The following CEP126 variants were observed in gnomAD, a reference collection of about 807,000 sequenced individuals.
CEP126 encodes centrosomal protein 126.
CEP126 carries 74 observed loss-of-function variants against 107.8 expected under a neutral mutation model. The ratio of observed to expected loss-of-function variants is 0.69; its 90% CI spans 0.57 to 0.83. The LOEUF is 0.83. Among genes scored for constraint, CEP126 ranks in the 40% least tolerant of loss-of-function variants. The pLI is 0.00. For synonymous variants in CEP126, 449 were observed against 446.0 expected, an observed-to-expected ratio of 1.01 and a Z score of -0.08; for missense variants, 1,237 against 1,281.9, an observed-to-expected ratio of 0.96 and a Z score of 0.53.
At position 101,962,629 on chromosome 11, in the gene CEP126, G is replaced by A; in HGVS notation, c.1594G>A (p.Asp532Asn). The A allele has an allele frequency of 6.2e-7, 1 of 1,612,910 alleles. No homozygotes were observed. Among genetic ancestry groups the A allele is most frequent in the Non-Finnish European group, 8.5e-7 (1 of 1,179,694 alleles). ...AGATGCCTATATACCTCACAATCCTGATTCAAAAGATGAAAAACAAAAATT... is the reference window on the plus strand; with the variant it reads ...AGATGCCTATATACCTCACAATCCTAATTCAAAAGATGAAAAACAAAAATT... ...FQDAYIPHNP[D>N]SKDEKQKLAE... is the part of the protein sequence containing the mutation. The change falls in exon 6 of 11, where the codon GAT (aspartate) becomes AAT (asparagine). Residue 532 changes from aspartate to asparagine, a missense_variant. By Grantham distance (23) the Asp-to-Asn change is conservative (BLOSUM62 1). Around this residue, in one of 3 missense-constraint regions of CEP126, gnomAD observed 1,134 missense variants for 1,150.5 expected, o/e 0.99. Coordinates refer to ENST00000263468, the MANE Select transcript of CEP126 (RefSeq NM_020802.4).
At chr11:101,972,842 A>G (rs1235558280) in intron 6 of CEP126, among the ~76,000 whole-genome samples, 1 of 152,160 alleles carries the variant, frequency 6.6e-6, no homozygotes, top group African/African-American at 2.4e-5. Flanking sequence ...GATTTTCTTT[A>G]TAATTTTGCC....
intron 1 of CEP126, 90 bp downstream of exon 1, chr11:101,915,502 G>C: frequency 6.7e-7 from 1 of 1,492,374 alleles, no homozygotes; most frequent in South Asian, 1.3e-5. Flanking sequence ...CTTTGACGCA[G>C]GGTGATCAAA....
intron 6 of CEP126, among the ~76,000 whole-genome samples, chr11:101,967,523 G>T (rs1160357973): frequency 6.6e-6 from 1 of 152,038 alleles, no homozygotes; most frequent in African/African-American, 2.4e-5. Flanking sequence ...ATTTTCTGAT[G>T]ATCAACATTA....
chr11:101,978,016 T>G (rs1005474660), intron 6 of CEP126, among the ~76,000 whole-genome samples: 1 of 152,184 alleles, frequency 6.6e-6, no homozygotes, highest in African/African-American at 2.4e-5. Flanking sequence ...TAACTTCTAA[T>G]TTTTAGATAA....
At chr11:101,944,788 A>T (rs1940713596) in intron 3 of CEP126, among the ~76,000 whole-genome samples, 1 of 152,186 alleles carries the variant, frequency 6.6e-6, no homozygotes, top group Non-Finnish European at 1.5e-5. Flanking sequence ...TATTTGAGAG[A>T]CTGGCAGAAC....
chr11:101,922,710 AT>A lies in CEP126; in HGVS notation c.199del (p.Cys67ValfsTer74). The A allele has an allele frequency of 6.2e-7, 1 of 1,613,032 alleles. No individual in the cohort carries two copies. Among genetic ancestry groups the A allele is most frequent in the Non-Finnish European group, 8.5e-7 (1 of 1,179,160 alleles). Reference sequence around the variant, plus strand: ...AGATATTACTGCAGCAACAAAAAATATGTCGAAATCGAGCACGTAAATATTT... The same window carrying A: ...AGATATTACTGCAGCAACAAAAAATAGTCGAAATCGAGCACGTAAATATTT... The part of the protein sequence containing the change: ...RQILLQQQKI[C>X]RNRARKYFVE... On this transcript the variant is annotated frameshift_variant, in exon 2 of 11. Transcript: ENST00000263468. LOFTEE classifies it high-confidence loss of function.
intron 7 of CEP126, 65 bp downstream of exon 7, chr11:101,978,524 T>G (rs1941219513): frequency 1.0e-6 from 1 of 1,001,716 alleles, no homozygotes; most frequent in Non-Finnish European, 1.6e-6. Flanking sequence ...ACAGAGGTTC[T>G]TAAAGGACTA....
intron 7 of CEP126, among the ~76,000 whole-genome samples, chr11:101,979,150 C>T (rs1941227129): frequency 6.6e-6 from 1 of 151,670 alleles, no homozygotes; most frequent in Non-Finnish European, 1.5e-5. Context: ...AAAAAAAAAG[C>T]ATGCTAATCA....
At chr11:101,927,848 G>A (rs1940435640) in intron 2 of CEP126, among the ~76,000 whole-genome samples, 1 of 152,196 alleles carries the variant, frequency 6.6e-6, no homozygotes. Context: ...TATAAATGAA[G>A]TTGATAAAAA....
At chr11:101,920,709 G>A (rs899053483) in intron 1 of CEP126, among the ~76,000 whole-genome samples, 16 of 151,510 alleles carry the variant, frequency 1.1e-4, no homozygotes, top group South Asian at 8.3e-4. Context: ...AAGCTCAAGC[G>A]ATCTTCCCAC....
intron 6 of CEP126, among the ~76,000 whole-genome samples, chr11:101,969,088 A>G (rs1432045661): frequency 6.6e-6 from 1 of 152,072 alleles, no homozygotes; most frequent in Non-Finnish European, 1.5e-5. Flanking sequence ...TGGCTTTATC[A>G]TGGCTCACTG....
At chr11:101,960,921 G>A (rs1565360677) in intron 5 of CEP126, among the ~76,000 whole-genome samples, 1 of 151,960 alleles carries the variant, frequency 6.6e-6, no homozygotes, top group Non-Finnish European at 1.5e-5. Context: ...CTAGGTATGT[G>A]TGAGAAAACA....
chr11:101,921,107 G>A (rs892157460), intron 1 of CEP126, among the ~76,000 whole-genome samples: 1 of 152,096 alleles, frequency 6.6e-6, no homozygotes, highest in African/African-American at 2.4e-5. Context: ...TAGATGATTA[G>A]GATAACCAAA....
intron 2 of CEP126, among the ~76,000 whole-genome samples, chr11:101,935,892 C>T (rs186399519): frequency 1.9e-3 from 294 of 152,098 alleles, no homozygotes; most frequent in Non-Finnish European, 1.9e-3. Flanking sequence ...TAAAATGTCT[C>T]TAGACATTGT....
At chr11:101,931,244 C>T (rs1591271189) in intron 2 of CEP126, among the ~76,000 whole-genome samples, 2 of 152,096 alleles carry the variant, frequency 1.3e-5, no homozygotes, top group Non-Finnish European at 2.9e-5. Context: ...ATTACTAATT[C>T]TATGAATCTT....
At chr11:101,973,102 A>ATTC (rs1487342115) in intron 6 of CEP126, among the ~76,000 whole-genome samples, 6 of 152,194 alleles carry the variant, frequency 3.9e-5, no homozygotes, top group African/African-American at 1.4e-4. Flanking sequence ...TTTATGAATA[A>ATTC]TTCTTCCAAG....
rs1941458349 is a variant in CEP126 at position 101,997,652 on chromosome 11, G to A, written c.*9G>A. The A allele has an allele frequency of 6.2e-7, 1 of 1,613,894 alleles. No individual in the cohort carries two copies. Among genetic ancestry groups the A allele is most frequent in the Middle Eastern group, 1.6e-4 (1 of 6,062 alleles). On this transcript the variant is annotated 3_prime_UTR_variant, in exon 11 of 11. Coordinates refer to ENST00000263468, the MANE Select transcript of CEP126 (RefSeq NM_020802.4). ...GCAGAGACAAGAGATAATTCCAGCAGAATCCGTCTAAGAAGACCTTTCATG... is the reference window on the plus strand; with the variant it reads ...GCAGAGACAAGAGATAATTCCAGCAAAATCCGTCTAAGAAGACCTTTCATG...
chr11:101,958,838 A>G (rs1940934846), intron 5 of CEP126, among the ~76,000 whole-genome samples: 1 of 152,238 alleles, frequency 6.6e-6, no homozygotes, highest in Non-Finnish European at 1.5e-5. Context: ...AATTCATAAC[A>G]TTGGCCTGAT....
At chr11:101,942,810 G>A (rs1940684496) in intron 2 of CEP126, among the ~76,000 whole-genome samples, 1 of 151,882 alleles carries the variant, frequency 6.6e-6, no homozygotes, top group Non-Finnish European at 1.5e-5. Context: ...ATGTTTTACA[G>A]TTTTTGGTGT....
Sources: allele counts gnomAD v4.1 joint callset (sites outside exome capture counted in the v4.1 genomes callset), GRCh38; gene constraint gnomAD v4.1.1; regional missense constraint gnomAD v4.1.1; transcripts MANE v1.5; gene names NCBI Gene and HGNC (gene_info 2026-07-23, HGNC 2026-07-21).